Variants in DNAAF11 observed in about 807,000 individuals in gnomAD.
DNAAF11 encodes dynein axonemal assembly factor 11.
DNAAF11 carries 45 observed loss-of-function variants against 60.8 expected under a neutral mutation model. That is an observed-to-expected ratio of 0.74 (90% confidence interval 0.58 to 0.95). DNAAF11 has a LOEUF of 0.95. DNAAF11 is among the 40% of genes least tolerant of loss of function. The pLI is 0.00. For missense variants in DNAAF11, 546 were observed against 546.2 expected (o/e 1.00, Z 0.00); for synonymous variants, 191 against 183.5 (o/e 1.04, Z -0.33).
intron 2 of DNAAF11, among the ~76,000 whole-genome samples, chr8:132,661,249 T>A (rs1353691634): frequency 1.3e-5 from 2 of 152,120 alleles, no homozygotes; most frequent in Admixed American, 6.5e-5. Flanking sequence ...CACCTTTACC[T>A]GCTCTCCCAA....
At chr8:132,599,623 T>C (rs1265226723) in intron 10 of DNAAF11, among the ~76,000 whole-genome samples, 1 of 152,028 alleles carries the variant, frequency 6.6e-6, no homozygotes. Context: ...GTTCAACATA[T>C]GCAAATCAAT....
At chr8:132,638,320 C>T (rs553924452) in intron 3 of DNAAF11, among the ~76,000 whole-genome samples, 3 of 152,258 alleles carry the variant, frequency 2.0e-5, no homozygotes, top group Middle Eastern at 3.4e-3. Flanking sequence ...TTATTTTCAC[C>T]GTCTGAGTCC....
chr8:132,634,918 C>T (rs1445586458), intron 4 of DNAAF11, among the ~76,000 whole-genome samples: 2 of 151,784 alleles, frequency 1.3e-5, no homozygotes, highest in African/African-American at 4.8e-5. Flanking sequence ...ATCTTTTCTT[C>T]CTTGTAATTG....
At chr8:132,606,345 C>T (rs1258355048) in intron 10 of DNAAF11, among the ~76,000 whole-genome samples, 2 of 152,120 alleles carry the variant, frequency 1.3e-5, no homozygotes, top group Non-Finnish European at 2.9e-5. Context: ...TCCCTGAAGA[C>T]CTTCCCATGG....
chr8:132,651,682 C>G (rs554374898), intron 3 of DNAAF11, among the ~76,000 whole-genome samples: 73 of 152,268 alleles, frequency 4.8e-4, no homozygotes, highest in African/African-American at 1.2e-3. Flanking sequence ...AGAACTCATA[C>G]GGTGTAAGAA....
chr8:132,634,981 A>G (rs1821152187), intron 4 of DNAAF11, among the ~76,000 whole-genome samples: 2 of 152,214 alleles, frequency 1.3e-5, no homozygotes, highest in African/African-American at 4.8e-5. Context: ...TAAATGATGT[A>G]AGTCTATTTT....
intron 10 of DNAAF11, among the ~76,000 whole-genome samples, chr8:132,588,800 T>G (rs952948134): frequency 1.3e-5 from 2 of 152,122 alleles, no homozygotes; most frequent in African/African-American, 4.8e-5. Context: ...CATCGGCTTC[T>G]GGGAAGGCCT....
chr8:132,627,101 C>T (rs1457059050), intron 5 of DNAAF11, among the ~76,000 whole-genome samples: 1 of 152,062 alleles, frequency 6.6e-6, no homozygotes, highest in Non-Finnish European at 1.5e-5. Flanking sequence ...CTTTGCTATA[C>T]AGCTACAGTT....
intron 8 of DNAAF11, among the ~76,000 whole-genome samples, chr8:132,614,362 C>G (rs920600903): frequency 6.6e-6 from 1 of 152,116 alleles, no homozygotes; most frequent in Non-Finnish European, 1.5e-5. Context: ...AAGGATGTAT[C>G]GGCACAGTGA....
At position 132,611,295 on chromosome 8, in the gene DNAAF11, T is replaced by C. The variant is rs750724131; in HGVS notation, c.1043A>G (p.Lys348Arg). Residue 348 changes from lysine (K) to arginine (R), a missense_variant and splice_region_variant, in exon 9 of 12, where the codon AAG becomes AGG. Lys to Arg is a conservative substitution (Grantham distance 26, BLOSUM62 2). Transcript: ENST00000620350. ...PTYVRVMIKGKPFQLVLPAEV... is the reference protein window; with the variant it reads ...PTYVRVMIKGRPFQLVLPAEV... Reference sequence around the variant, plus strand: ...AATAGCCTACAGGGTTCTACTTACCTTTCCTTTGATCATTACTCGCACGTA... The same window carrying C: ...AATAGCCTACAGGGTTCTACTTACCCTTCCTTTGATCATTACTCGCACGTA... The C allele has an allele frequency of 8.7e-6, 14 of 1,608,438 alleles. No homozygotes were observed. The highest frequency in any genetic ancestry group is 1.1e-5 in the South Asian group (1 of 90,892).
intron 3 of DNAAF11, among the ~76,000 whole-genome samples, chr8:132,654,428 A>G (rs1245306995): frequency 6.6e-6 from 1 of 152,028 alleles, no homozygotes; most frequent in African/African-American, 2.4e-5. Flanking sequence ...GCTAGACCTA[A>G]CAGGCATATT....
intron 3 of DNAAF11, among the ~76,000 whole-genome samples, chr8:132,646,758 T>C (rs1161797184): frequency 6.6e-6 from 1 of 152,176 alleles, no homozygotes. Flanking sequence ...GGCCATTACA[T>C]AATGGTAAAG....
chr8:132,684,503 C>T, the DNAAF11 span, among the ~76,000 whole-genome samples: 1 of 152,082 alleles, frequency 6.6e-6, no homozygotes, highest in East Asian at 1.9e-4. Context: ...TCATGTGATC[C>T]AAAGCCCTCA....
intron 10 of DNAAF11, among the ~76,000 whole-genome samples, chr8:132,596,320 T>C (rs1314343038): frequency 1.3e-5 from 2 of 152,228 alleles, no homozygotes; most frequent in African/African-American, 4.8e-5. Flanking sequence ...AAGGCAGTTA[T>C]GTGGCCTTGA....
chr8:132,682,747 A>C, the DNAAF11 span, among the ~76,000 whole-genome samples: 9 of 152,208 alleles, frequency 5.9e-5, no homozygotes, highest in African/African-American at 1.9e-4. Context: ...AAAAATACTT[A>C]TTTGGTTCAT....
chr8:132,640,112 C>A (rs1484585427), intron 3 of DNAAF11, among the ~76,000 whole-genome samples: 1 of 152,164 alleles, frequency 6.6e-6, no homozygotes, highest in South Asian at 2.1e-4. Flanking sequence ...CCTTCTTCAA[C>A]CCACTTTTCA....
chr8:132,574,472 A>G (rs1038564239), intron 11 of DNAAF11, among the ~76,000 whole-genome samples: 5 of 152,186 alleles, frequency 3.3e-5, no homozygotes, highest in African/African-American at 1.2e-4. Flanking sequence ...TGAGCATTGA[A>G]TCTCTAATGA....
upstream of DNAAF11, among the ~76,000 whole-genome samples, chr8:132,680,189 G>A (rs1030861360): frequency 6.6e-6 from 1 of 152,224 alleles, no homozygotes; most frequent in Non-Finnish European, 1.5e-5. Flanking sequence ...GTAAAGTCAA[G>A]TTCATTTCAC....
chr8:132,653,831 G>A (rs1011751528), intron 3 of DNAAF11, among the ~76,000 whole-genome samples: 7 of 152,036 alleles, frequency 4.6e-5, no homozygotes, highest in Non-Finnish European at 7.4e-5. Context: ...AAAATGAAAA[G>A]AGTAATCCAA....
Sources: gnomAD v4.1 joint callset for allele counts (sites outside exome capture counted in the v4.1 genomes callset) on GRCh38, gnomAD v4.1.1 for gene constraint, MANE v1.5 for transcripts, NCBI Gene and HGNC (gene_info 2026-07-23, HGNC 2026-07-21) for gene names.